Variants in POFUT4 observed in about 807,000 individuals in gnomAD.
POFUT4 encodes the protein protein O-fucosyltransferase 4.
the POFUT4 span, among the ~76,000 whole-genome samples, chr10:73,777,664 C>T: frequency 2.0e-5 from 3 of 151,948 alleles, no homozygotes; most frequent in Admixed American, 6.6e-5. Context: ...AAGTGATTCT[C>T]CTGCCTCAGC....
the POFUT4 span, chr10:73,775,248 C>A: frequency 3.2e-6 from 2 of 630,128 alleles, no homozygotes; most frequent in Non-Finnish European, 5.6e-6. Flanking sequence ...CACTTCCAGT[C>A]TGGCCTCTGC....
At chr10:73,777,543 C>T in the POFUT4 span, among the ~76,000 whole-genome samples, 60 of 145,058 alleles carry the variant, frequency 4.1e-4, 1 homozygote, top group African/African-American at 1.4e-3. Flanking sequence ...ATTACTAATA[C>T]GCTTCCCTAT....
At chr10:73,780,015 C>A in the POFUT4 span, 4 of 152,240 alleles carry the variant, frequency 2.6e-5, no homozygotes, top group Non-Finnish European at 4.4e-5. Context: ...ATGATACTTA[C>A]CGAAAGCTTC....
At chr10:73,773,773 C>T in the POFUT4 span, 3 of 1,598,678 alleles carry the variant, frequency 1.9e-6, no homozygotes, top group Middle Eastern at 1.7e-4. Flanking sequence ...CCAGTGCCCA[C>T]ACCTGGCTTT....
At chr10:73,778,525 A>C in the POFUT4 span, among the ~76,000 whole-genome samples, 1 of 152,108 alleles carries the variant, frequency 6.6e-6, no homozygotes, top group African/African-American at 2.4e-5. Flanking sequence ...ACAGGAAAGA[A>C]TACCTTGGAC....
the POFUT4 span, chr10:73,773,784 G>C: frequency 1.3e-6 from 2 of 1,592,106 alleles, no homozygotes; most frequent in Non-Finnish European, 1.7e-6. Context: ...ACCTGGCTTT[G>C]GCAATGTGGA....
chr10:73,773,228 G>GCCTA, the POFUT4 span: 4 of 1,613,108 alleles, frequency 2.5e-6, no homozygotes, highest in African/African-American at 5.3e-5. Flanking sequence ...ATCGGGAGCT[G>GCCTA]CCTACCGCGC....
At chr10:73,773,704 C>T in the POFUT4 span, 2 of 1,614,268 alleles carry the variant, frequency 1.2e-6, no homozygotes, top group East Asian at 2.2e-5. Context: ...CACGCGGCCT[C>T]TCCCGGGGAC....
chr10:73,775,300 G>A, the POFUT4 span: 2 of 934,610 alleles, frequency 2.1e-6, no homozygotes, highest in South Asian at 1.5e-5. Flanking sequence ...GGAGCCAGAA[G>A]CAGGCAAGTC....
At chr10:73,772,972 T>G in the POFUT4 span, 43 of 1,603,370 alleles carry the variant, frequency 2.7e-5, no homozygotes, top group Middle Eastern at 1.8e-4. Flanking sequence ...CGCTGCTCTA[T>G]CTGCAGTCAC....
At chr10:73,773,182 C>T in the POFUT4 span, 3 of 1,601,128 alleles carry the variant, frequency 1.9e-6, no homozygotes, top group Admixed American at 3.4e-5. Context: ...TTACTGTACC[C>T]GGTCTAGGTA....
At chr10:73,773,264 C>A in the POFUT4 span, 3 of 1,614,062 alleles carry the variant, frequency 1.9e-6, no homozygotes, top group Non-Finnish European at 2.5e-6. Flanking sequence ...CCACGGCCAC[C>A]ACCGAGGATC....
chr10:73,778,268 C>T, the POFUT4 span, among the ~76,000 whole-genome samples: 2 of 150,938 alleles, frequency 1.3e-5, no homozygotes, highest in African/African-American at 4.9e-5. Context: ...TGGCTCACAC[C>T]TGTAATCCCA....
the POFUT4 span, among the ~76,000 whole-genome samples, chr10:73,777,439 T>C: frequency 6.6e-6 from 1 of 152,240 alleles, no homozygotes; most frequent in Admixed American, 6.5e-5. Flanking sequence ...TCTGCAGTTA[T>C]GGAAACAGTG....
the POFUT4 span, among the ~76,000 whole-genome samples, chr10:73,777,658 G>T: frequency 6.6e-6 from 1 of 151,606 alleles, no homozygotes; most frequent in Admixed American, 6.6e-5. Flanking sequence ...CAGTTCAAGT[G>T]ATTCTCCTGC....
the POFUT4 span, chr10:73,773,952 CAG>C: frequency 2.5e-5 from 24 of 961,190 alleles, 1 homozygote; most frequent in Middle Eastern, 6.6e-4. Flanking sequence ...AAGGTGTCAA[CAG>C]TCTAGTTGGG....
At chr10:73,774,437 T>G in the POFUT4 span, 3 of 152,120 alleles carry the variant, frequency 2.0e-5, no homozygotes, top group Non-Finnish European at 4.4e-5. Context: ...CCCAGCACTT[T>G]GGGAGGTCAA....
chr10:73,772,506 TGACGCGCAGCTCTGG>T, the POFUT4 span: 1 of 1,558,872 alleles, frequency 6.4e-7, no homozygotes. Context: ...GCAGTGGGGG[TGACGCGCAGCTCTGG>T]GACGCCGCGG....
At chr10:73,775,588 G>C in the POFUT4 span, 10 of 1,614,060 alleles carry the variant, frequency 6.2e-6, no homozygotes, top group Non-Finnish European at 8.5e-6. Flanking sequence ...CTGGACCAGG[G>C]GGAAGCTCTC....
Sources: allele counts gnomAD v4.1 joint callset (sites outside exome capture counted in the v4.1 genomes callset), GRCh38; gene constraint gnomAD v4.1.1; transcripts MANE v1.5; gene names NCBI Gene and HGNC (gene_info 2026-07-23, HGNC 2026-07-21).